Variants in DPYD observed in about 807,000 individuals in gnomAD.
DPYD encodes the protein dihydropyrimidine dehydrogenase [NADP(+)].
Under a neutral mutation model 116.2 loss-of-function variants are expected in DPYD, and 109 were observed. The ratio of observed to expected loss-of-function variants is 0.94; its 90% CI spans 0.80 to 1.10. DPYD has a LOEUF of 1.10. DPYD is among the 50% of genes least tolerant of loss of function. The pLI is 0.00. For synonymous variants in DPYD, 440 were observed against 432.0 expected, an observed-to-expected ratio of 1.02 and a Z score of -0.23; for missense variants, 1,302 against 1,254.5, an observed-to-expected ratio of 1.04 and a Z score of -0.57.
intron 18 of DPYD, among the ~76,000 whole-genome samples, chr1:97,298,886 T>A (rs1019798126): frequency 2.0e-5 from 3 of 152,182 alleles, no homozygotes; most frequent in Non-Finnish European, 4.4e-5. Context: ...TCCTTATCAT[T>A]AGCAGTTAGC....
intron 13 of DPYD, among the ~76,000 whole-genome samples, chr1:97,466,545 C>G (rs1677333383): frequency 6.6e-6 from 1 of 151,980 alleles, no homozygotes; most frequent in Non-Finnish European, 1.5e-5. Flanking sequence ...CAAATGATAG[C>G]TGATATTTTT....
chr1:97,512,602 ATC>A (rs1647887703), intron 13 of DPYD, among the ~76,000 whole-genome samples: 1 of 151,922 alleles, frequency 6.6e-6, no homozygotes, highest in Non-Finnish European at 1.5e-5. Flanking sequence ...AAATGTTTTT[ATC>A]TACTTCCTAT....
At chr1:97,147,354 A>AAACAAACAAACAAACG (rs1654702397) in intron 20 of DPYD, among the ~76,000 whole-genome samples, 1 of 100,010 alleles carries the variant, frequency 1.0e-5, no homozygotes, top group East Asian at 2.2e-4. Context: ...CTCAAAAAAC[A>AAACAAACAAACAAACG]AACAAACAAA....
chr1:97,105,938 C>T (rs1651107149), intron 20 of DPYD, among the ~76,000 whole-genome samples: 2 of 152,084 alleles, frequency 1.3e-5, no homozygotes, highest in African/African-American at 4.8e-5. Flanking sequence ...CCTTATATGG[C>T]TAAAATATAC....
chr1:97,513,292 A>G (rs1397355489), intron 13 of DPYD, among the ~76,000 whole-genome samples: 2 of 151,770 alleles, frequency 1.3e-5, no homozygotes, highest in Non-Finnish European at 2.9e-5. Context: ...TCAGTGCAAT[A>G]TTCAGCTGTC....
At chr1:97,749,341 A>G (rs1664740501) in intron 3 of DPYD, among the ~76,000 whole-genome samples, 1 of 152,230 alleles carries the variant, frequency 6.6e-6, no homozygotes, top group Non-Finnish European at 1.5e-5. Context: ...TAGATATCTG[A>G]CAAACATATA....
chr1:97,536,523 T>C (rs1650011275), intron 12 of DPYD, among the ~76,000 whole-genome samples: 1 of 152,250 alleles, frequency 6.6e-6, no homozygotes. Flanking sequence ...AGATTGTTTT[T>C]ATCTGAAGCA....
At chr1:97,691,127 G>T (rs1660988596) in intron 7 of DPYD, 1 of 152,436 alleles carries the variant, frequency 6.6e-6, no homozygotes, top group African/African-American at 2.4e-5. Flanking sequence ...TAACAGAAAA[G>T]AAGAGGAATA....
At chr1:97,900,140 T>C (rs1673288437) in intron 1 of DPYD, among the ~76,000 whole-genome samples, 1 of 151,904 alleles carries the variant, frequency 6.6e-6, no homozygotes, top group South Asian at 2.1e-4. Context: ...GTATACCTTG[T>C]TTTTCCTGTT....
At chr1:97,775,243 C>T (rs1309205949) in intron 3 of DPYD, among the ~76,000 whole-genome samples, 1 of 151,756 alleles carries the variant, frequency 6.6e-6, no homozygotes, top group East Asian at 1.9e-4. Context: ...ATTTATATAC[C>T]AACATACATT....
intron 3 of DPYD, among the ~76,000 whole-genome samples, chr1:97,758,811 C>T (rs1265177711): frequency 6.6e-6 from 1 of 152,174 alleles, no homozygotes; most frequent in Non-Finnish European, 1.5e-5. Flanking sequence ...GCACAGGAAA[C>T]ATCAAGCTTC....
intron 5 of DPYD, among the ~76,000 whole-genome samples, chr1:97,703,842 G>T (rs964376779): frequency 1.3e-5 from 2 of 152,058 alleles, no homozygotes; most frequent in Admixed American, 6.6e-5. Context: ...TTTTTAATAT[G>T]ATTTTTATGA....
intron 1 of DPYD, among the ~76,000 whole-genome samples, chr1:97,907,956 T>C (rs1242704128): frequency 6.6e-6 from 1 of 152,078 alleles, no homozygotes; most frequent in East Asian, 1.9e-4. Flanking sequence ...TGTTGTCTCT[T>C]CTAGGTTCTG....
At chr1:97,684,840 G>C (rs1464695177) in intron 7 of DPYD, among the ~76,000 whole-genome samples, 1 of 152,142 alleles carries the variant, frequency 6.6e-6, no homozygotes, top group East Asian at 1.9e-4. Flanking sequence ...TTCTGAAATT[G>C]AAGCAGTAAT....
chr1:97,513,315 C>T (rs774378277), intron 13 of DPYD, among the ~76,000 whole-genome samples: 1 of 150,802 alleles, frequency 6.6e-6, no homozygotes, highest in African/African-American at 2.4e-5. Flanking sequence ...TCCAGAAAAA[C>T]AACGAGGGAG....
At chr1:97,259,275 T>G (rs997949423) in intron 18 of DPYD, among the ~76,000 whole-genome samples, 1 of 152,094 alleles carries the variant, frequency 6.6e-6, no homozygotes. Flanking sequence ...AAAATGTTAT[T>G]CAATTGAAAA....
intron 3 of DPYD, among the ~76,000 whole-genome samples, chr1:97,749,654 T>C (rs1346248456): frequency 2.0e-5 from 3 of 152,202 alleles, no homozygotes; most frequent in African/African-American, 7.2e-5. Context: ...CGTAGCCATA[T>C]TCTGAAGCCC....
At chr1:97,255,157 C>G (rs1244538694) in intron 18 of DPYD, among the ~76,000 whole-genome samples, 3 of 152,108 alleles carry the variant, frequency 2.0e-5, no homozygotes, top group Non-Finnish European at 4.4e-5. Flanking sequence ...TATGTCCCCA[C>G]TTATTAGAGA....
chr1:97,754,311 A>G (rs1276030678), intron 3 of DPYD, among the ~76,000 whole-genome samples: 2 of 152,232 alleles, frequency 1.3e-5, no homozygotes, highest in Non-Finnish European at 2.9e-5. Context: ...TATCTTAAAT[A>G]ACATCAATAA....
Sources: gnomAD v4.1 joint callset for allele counts (sites outside exome capture counted in the v4.1 genomes callset) on GRCh38, gnomAD v4.1.1 for gene constraint, MANE v1.5 for transcripts, NCBI Gene and HGNC (gene_info 2026-07-23, HGNC 2026-07-21) for gene names.